SLC2A5: variants seen among roughly 807,000 people sequenced by gnomAD.
SLC2A5 encodes the protein solute carrier family 2, facilitated glucose transporter member 5.
In SLC2A5, 56 loss-of-function variants were observed where a neutral mutation model predicts 50.3. The observed-to-expected ratio is 1.11, with a 90% CI of 0.90 to 1.39. SLC2A5 has a LOEUF of 1.39. Ranked by LOEUF, SLC2A5 falls within the 40% of genes most tolerant of loss-of-function variation. The pLI, the probability that SLC2A5 is intolerant of heterozygous loss-of-function variation, is 0.00. For missense variants in SLC2A5, 566 were observed against 650.1 expected, an observed-to-expected ratio of 0.87 and a Z score of 1.41; for synonymous variants, 269 against 281.9, an observed-to-expected ratio of 0.95 and a Z score of 0.46.
At chr1:9,071,514 C>A (rs556549712), upstream of SLC2A5, among the ~76,000 whole-genome samples, 7 of 152,218 alleles carry the variant, frequency 4.6e-5, no homozygotes, top group African/African-American at 1.4e-4. Context: ...TCCACTTCTC[C>A]CTGCCTTTGG....
chr1:9,063,413 C>G (rs1641994433), intron 1 of SLC2A5, among the ~76,000 whole-genome samples: 1 of 151,974 alleles, frequency 6.6e-6, no homozygotes, highest in African/African-American at 2.4e-5. Flanking sequence ...CGCTCTGTCG[C>G]CCAGGCTGGA....
exon 2 of SLC2A5, chr1:9,085,102 C>G (rs1215458373): frequency 1.3e-5 from 2 of 152,414 alleles, no homozygotes; most frequent in African/African-American, 4.8e-5. Flanking sequence ...TGCTCTCTGA[C>G]TCTGTCACGC....
intron 3 of SLC2A5, 112 bp downstream of exon 3, chr1:9,057,336 C>T: frequency 3.8e-6 from 2 of 525,788 alleles, no homozygotes; most frequent in South Asian, 6.9e-5. Flanking sequence ...AGAAAAATGA[C>T]CACAGTGGTT....
chr1:9,083,448 A>C (rs183119526), intron 2 of SLC2A5, among the ~76,000 whole-genome samples: 1 of 152,236 alleles, frequency 6.6e-6, no homozygotes, highest in Non-Finnish European at 1.5e-5. Context: ...ATGTGGGCCA[A>C]GCTGGCTAAG....
Position 9,076,101 on chromosome 1 carries a change from G to A in SLC2A5, c.-58-6507C>T, listed in dbSNP as rs533404345. Among the ~76,000 whole-genome samples the A allele has an allele frequency of 1.7e-4, 26 of 151,988 alleles. 1 individual carries two copies. In the South Asian group the frequency reaches 4.8e-3, roughly 28 times the overall value. ...CTCCCGAGTAACTGGAATTACAGAC[G>A]CACGCCACTACGCCTGGCTAATTTT... is the stretch of plus-strand genomic sequence containing the variant. On this transcript the variant is annotated intron_variant, in intron 2 of 5. Transcript: ENST00000464985.
intron 8 of SLC2A5, 47 bp downstream of exon 8, chr1:9,039,505 C>T (rs1400366123): frequency 7.1e-7 from 1 of 1,414,612 alleles, no homozygotes; most frequent in Non-Finnish European, 9.6e-7. Flanking sequence ...GGCGTGGGGC[C>T]CGAGGGGCCT....
intron 9 of SLC2A5, 98 bp from the exon 10 acceptor site, chr1:9,038,604 G>T: frequency 8.0e-7 from 1 of 1,255,836 alleles, no homozygotes. Context: ...GATGGCACCT[G>T]GCTCCTCCCC....
chr1:9,090,616 C>T (rs1642452910), upstream of SLC2A5, among the ~76,000 whole-genome samples: 1 of 152,222 alleles, frequency 6.6e-6, no homozygotes, highest in African/African-American at 2.4e-5. Flanking sequence ...TGAATTCCTC[C>T]CAACACTAGC....
intron 1 of SLC2A5, among the ~76,000 whole-genome samples, chr1:9,069,113 A>T (rs1045003240): frequency 6.6e-6 from 1 of 152,208 alleles, no homozygotes; most frequent in African/African-American, 2.4e-5. Context: ...CAGCTATGTT[A>T]CTTGCTGAAA....
Position 9,038,063 on chromosome 1 carries a change from G to T in SLC2A5, c.1175-39C>A, listed in dbSNP as rs192033698. The T allele has an allele frequency of 3.1e-6, 5 of 1,608,120 alleles. No homozygotes were observed. The East Asian group carries it at 8.9e-5, about 29-fold the overall frequency. ...AGAGCAGCCTCCCTGAAGGCAGAGC[G>T]GGCCCGAGCATCCCAGGCCTGGCCA... On this transcript the variant is annotated intron_variant, in intron 10 of 11. Transcript: ENST00000377424.
chr1:9,038,227 T>C (rs1410835247), intron 10 of SLC2A5, among the ~76,000 whole-genome samples: 1 of 152,238 alleles, frequency 6.6e-6, no homozygotes, highest in Non-Finnish European at 1.5e-5. Context: ...CTCTGCTGCC[T>C]GCACAGTCTG....
chr1:9,060,064 TACACACACTAC>T (rs1399836242), intron 1 of SLC2A5, among the ~76,000 whole-genome samples: 1 of 82,600 alleles, frequency 1.2e-5, no homozygotes. Context: ...ACACACACAA[TACACACACTAC>T]ACACACACAC....
Position 9,041,842 on chromosome 1 carries a change from C to A in SLC2A5, c.514G>T (p.Val172Phe), listed in dbSNP as rs774095523. Residue 172 changes from valine (V) to phenylalanine (F), a missense_variant, in exon 5 of 12, where the codon GTT (valine) becomes TTT (phenylalanine). Val to Phe is a conservative substitution (Grantham distance 50). Transcript: ENST00000377424. ...AAGATCTGGGCCACAAGGATGCCAA[C>A]AGTGATGAAGAGCTGGGGCACCACC... ...LGVVPQLFIT[V>F]GILVAQIFGL... The A allele has an allele frequency of 1.9e-6, 3 of 1,613,912 alleles. No homozygotes were observed. The highest frequency in any genetic ancestry group is 2.5e-6 in the Non-Finnish European group (3 of 1,180,034).
rs759953554 is a variant in SLC2A5 at position 9,038,065 on chromosome 1, GC to G, written c.1175-42del. 4 of 1,607,496 alleles carry G rather than the reference GC, an allele frequency of 2.5e-6. No homozygotes were observed. The South Asian group carries it at 3.3e-5, about 13-fold the overall frequency. On this transcript the variant is annotated intron_variant, in intron 10 of 11. Transcript: ENST00000377424. ...AGCAGCCTCCCTGAAGGCAGAGCGGGCCCGAGCATCCCAGGCCTGGCCATGC... is the reference window on the plus strand; with the variant it reads ...AGCAGCCTCCCTGAAGGCAGAGCGGGCCGAGCATCCCAGGCCTGGCCATGC...
At chr1:9,081,277 AAACC>A (rs1485865336) in intron 2 of SLC2A5, among the ~76,000 whole-genome samples, 18,136 of 136,248 alleles carry the variant, frequency 0.13, 1,636 homozygotes, top group South Asian at 0.2. Context: ...AAAAAAAAAA[AAACC>A]CCAAAAAAAA....
chr1:9,068,672 G>A (rs941469072), intron 1 of SLC2A5, among the ~76,000 whole-genome samples: 1 of 151,932 alleles, frequency 6.6e-6, no homozygotes, highest in African/African-American at 2.4e-5. Context: ...GGCTGGTCTC[G>A]AACTGCTGAC....
chr1:9,091,654 A>ACCC (rs1642463672), upstream of SLC2A5, among the ~76,000 whole-genome samples: 1 of 151,010 alleles, frequency 6.6e-6, no homozygotes, highest in Admixed American at 6.6e-5. Context: ...TTAAACCCTG[A>ACCC]CCAACACTCA....
At chr1:9,072,007 C>T (rs112417908), upstream of SLC2A5, 1,751 of 155,818 alleles carry the variant, frequency 0.011, 30 homozygotes, top group African/African-American at 0.04. Context: ...AGCCTCAGCC[C>T]GGGTTCCCCT....
Position 9,040,014 on chromosome 1 carries a change from A to G in SLC2A5, c.698-27T>C. On this transcript the variant is annotated intron_variant, in intron 6 of 11. Transcript: ENST00000377424. The surrounding 1 kb of genome is among the most constrained non-coding windows in gnomAD (Gnocchi z 4.3). ...TGGGGAGAAGCGGCACCGTCGGACC[A>G]GGGCTGGGGAGCAGAACCTGGAGGC... The G allele has an allele frequency of 6.3e-7, 1 of 1,590,846 alleles. No homozygotes were observed. The highest frequency in any genetic ancestry group is 2.3e-5 in the East Asian group (1 of 44,198).
Sources: gnomAD v4.1 joint callset for allele counts (sites outside exome capture counted in the v4.1 genomes callset) on GRCh38, gnomAD v4.1.1 for gene constraint, Gnocchi (gnomAD v3.1) non-coding constraint, MANE v1.5 for transcripts, NCBI Gene and HGNC (gene_info 2026-07-23, HGNC 2026-07-21) for gene names.